Variants in ADK observed in about 807,000 individuals in gnomAD.
ADK encodes adenosine kinase.
Under a neutral mutation model 44.7 loss-of-function variants are expected in ADK, and 24 were observed. That is an observed-to-expected ratio of 0.54 (90% CI 0.39 to 0.76). The LOEUF (loss-of-function observed/expected upper bound fraction) is 0.76. ADK is among the 30% of genes least tolerant of loss of function. The pLI is 0.00. For synonymous variants in ADK, 128 were observed against 142.6 expected (o/e 0.90, Z 0.73); for missense variants, 321 against 425.1 (o/e 0.76, Z 2.15).
At chr10:74,231,329 T>C (rs562143428) in intron 3 of ADK, among the ~76,000 whole-genome samples, 1 of 152,362 alleles carries the variant, frequency 6.6e-6, no homozygotes, top group Admixed American at 6.5e-5. Flanking sequence ...TGAACAGTCT[T>C]ATTCAGAATC....
chr10:74,661,109 G>C (rs1854708579), intron 9 of ADK, among the ~76,000 whole-genome samples: 1 of 152,080 alleles, frequency 6.6e-6, no homozygotes. Context: ...GTGAACCCAA[G>C]CAGTCTGACT....
intron 3 of ADK, among the ~76,000 whole-genome samples, chr10:74,231,975 CT>C (rs1844782925): frequency 7.4e-6 from 1 of 135,348 alleles, no homozygotes; most frequent in Admixed American, 7.3e-5. Flanking sequence ...TTTTTTTTTT[CT>C]TTTACTGATA....
At chr10:74,239,359 CAA>C (rs1318280924) in intron 3 of ADK, among the ~76,000 whole-genome samples, 1 of 152,012 alleles carries the variant, frequency 6.6e-6, no homozygotes, top group Non-Finnish European at 1.5e-5. Context: ...ATCTCTTATG[CAA>C]AGAGACATTG....
chr10:74,226,149 C>G (rs139526592), intron 3 of ADK, among the ~76,000 whole-genome samples: 405 of 152,084 alleles, frequency 2.7e-3, no homozygotes, highest in South Asian at 8.9e-3. Context: ...GCTCCGTCAC[C>G]TAGGCTGGAG....
At chr10:74,392,524 A>G (rs1273955230) in intron 4 of ADK, among the ~76,000 whole-genome samples, 3 of 152,192 alleles carry the variant, frequency 2.0e-5, no homozygotes, top group East Asian at 3.9e-4. Context: ...TTTATTGTTC[A>G]TTTAGAAGTT....
At chr10:74,220,344 C>T (rs139403509) in intron 2 of ADK, among the ~76,000 whole-genome samples, 1 of 152,176 alleles carries the variant, frequency 6.6e-6, no homozygotes, top group Non-Finnish European at 1.5e-5. Context: ...TCTGAACAGA[C>T]CAATAACAGG....
At chr10:74,442,438 G>C (rs187589210) in intron 6 of ADK, among the ~76,000 whole-genome samples, 45 of 152,276 alleles carry the variant, frequency 3.0e-4, no homozygotes, top group Non-Finnish European at 4.0e-4. Context: ...TTGAGGACAG[G>C]AGTTGGAGAC....
intron 3 of ADK, among the ~76,000 whole-genome samples, chr10:74,247,004 T>C (rs560051108): frequency 2.1e-4 from 32 of 151,868 alleles, no homozygotes; most frequent in Non-Finnish European, 4.0e-4. Context: ...GGCTAGATAT[T>C]AAAGCTCCTT....
Position 74,304,243 on chromosome 10 carries a change from C to CT in ADK, c.195-10413dup, listed in dbSNP as rs952118085. On this transcript the variant is annotated intron_variant, in intron 3 of 10. Coordinates refer to ENST00000539909, the MANE Select transcript of ADK (RefSeq NM_006721.4). ...TATTAAAGATGTCAGTCATTTACTT[C>CT]TTTTTTTTTTTAAGGTGGTAGCCCA... is the stretch of plus-strand genomic sequence containing the variant. Among the ~76,000 whole-genome samples, 62 of 143,922 alleles carry CT rather than the reference C, an allele frequency of 4.3e-4. 1 individual carries two copies. Among genetic ancestry groups the CT allele is most frequent in the East Asian group, 1.0e-3 (5 of 4,954 alleles). 94.4% of individuals were successfully genotyped at this position (143,922 alleles called of 152,430 possible). A position where few individuals can be genotyped will look rare whatever the true frequency, so the allele number is the denominator to read the frequency against.
At chr10:74,492,426 ACT>A (rs1168733300) in intron 6 of ADK, among the ~76,000 whole-genome samples, 1 of 152,028 alleles carries the variant, frequency 6.6e-6, no homozygotes, top group African/African-American at 2.4e-5. Flanking sequence ...ACATAATAAG[ACT>A]CTGTCTCTTA....
intron 6 of ADK, among the ~76,000 whole-genome samples, chr10:74,488,011 G>A (rs1847326734): frequency 6.6e-6 from 1 of 151,944 alleles, no homozygotes; most frequent in Non-Finnish European, 1.5e-5. Context: ...GTGTCCAAAT[G>A]GCATGTAATG....
chr10:74,305,166 C>T (rs1840201491), intron 3 of ADK, among the ~76,000 whole-genome samples: 1 of 152,162 alleles, frequency 6.6e-6, no homozygotes, highest in Non-Finnish European at 1.5e-5. Context: ...ACACTCTTTA[C>T]ATGTTCAGTA....
intron 6 of ADK, among the ~76,000 whole-genome samples, chr10:74,464,973 A>G (rs980102376): frequency 5.3e-5 from 8 of 152,218 alleles, no homozygotes; most frequent in Non-Finnish European, 1.2e-4. Context: ...TAGGTGGTGA[A>G]TTTATAGCAG....
intron 7 of ADK, among the ~76,000 whole-genome samples, chr10:74,583,604 CAA>C (rs908485292): frequency 4.0e-4 from 61 of 152,256 alleles, no homozygotes; most frequent in African/African-American, 1.4e-3. Context: ...AGGCATGTCT[CAA>C]ATTCCTGGAC....
intron 8 of ADK, among the ~76,000 whole-genome samples, chr10:74,594,875 A>T (rs983385974): frequency 7.9e-5 from 12 of 152,054 alleles, no homozygotes; most frequent in African/African-American, 2.9e-4. Flanking sequence ...TCAACAGATT[A>T]AAAAAATAGG....
At chr10:74,580,701 A>T (rs1346120885) in intron 7 of ADK, among the ~76,000 whole-genome samples, 1 of 151,948 alleles carries the variant, frequency 6.6e-6, no homozygotes, top group African/African-American at 2.4e-5. Flanking sequence ...GCCACATGGA[A>T]CTCTAAGTCC....
At chr10:74,572,008 A>G (rs1227639808) in intron 7 of ADK, among the ~76,000 whole-genome samples, 1 of 152,054 alleles carries the variant, frequency 6.6e-6, no homozygotes, top group Non-Finnish European at 1.5e-5. Flanking sequence ...TTTACATTTA[A>G]GGTTAATATT....
At chr10:74,445,035 AAAAC>A (rs1430279094) in intron 6 of ADK, among the ~76,000 whole-genome samples, 3 of 152,080 alleles carry the variant, frequency 2.0e-5, no homozygotes, top group African/African-American at 4.8e-5. Context: ...CTAATTTAGA[AAAAC>A]AAATATAAAC....
intron 4 of ADK, among the ~76,000 whole-genome samples, chr10:74,324,087 A>G (rs932205553): frequency 3.9e-5 from 6 of 152,084 alleles, no homozygotes; most frequent in African/African-American, 9.7e-5. Context: ...CAGTGGCACA[A>G]TCATGGCTCA....
Sources: gnomAD v4.1 joint callset for allele counts (sites outside exome capture counted in the v4.1 genomes callset) on GRCh38, gnomAD v4.1.1 for gene constraint, MANE v1.5 for transcripts, NCBI Gene and HGNC (gene_info 2026-07-23, HGNC 2026-07-21) for gene names.